Variants in MAP1B observed in about 807,000 individuals in gnomAD.
MAP1B encodes the protein microtubule associated protein 1B, also known as microtubule-associated protein 1B.
Under a neutral mutation model 176.1 loss-of-function variants are expected in MAP1B, and 12 were observed. The ratio of observed to expected loss-of-function variants is 0.07; its 90% confidence interval spans 0.04 to 0.11. The LOEUF (loss-of-function observed/expected upper bound fraction) is 0.11. Ranked by LOEUF, MAP1B falls within the 10% of genes least tolerant of loss-of-function variation. MAP1B has a pLI of 1.00. For missense variants in MAP1B, 2,523 were observed against 2,990.5 expected (o/e 0.84, Z 3.65); for synonymous variants, 1,044 against 1,135.0 (o/e 0.92, Z 1.61).
At chr5:72,133,350 G>A (rs896314860) in intron 2 of MAP1B, among the ~76,000 whole-genome samples, 7 of 152,210 alleles carry the variant, frequency 4.6e-5, no homozygotes, top group South Asian at 4.1e-4. Context: ...GAGGTGAGGC[G>A]CTGGAGGCGG....
intron 2 of MAP1B, among the ~76,000 whole-genome samples, chr5:72,157,647 T>C (rs548216022): frequency 6.6e-6 from 1 of 152,310 alleles, no homozygotes; most frequent in South Asian, 2.1e-4. Flanking sequence ...ATGATTGATC[T>C]CAGTCCCTGG....
chr5:72,135,216 A>T (rs899410525), intron 2 of MAP1B, among the ~76,000 whole-genome samples: 11 of 151,920 alleles, frequency 7.2e-5, no homozygotes, highest in African/African-American at 2.4e-4. Flanking sequence ...AGCTTATGGG[A>T]TTGCTCCGAG....
chr5:72,180,217 A>G (rs1437535741), intron 2 of MAP1B, among the ~76,000 whole-genome samples: 1 of 152,202 alleles, frequency 6.6e-6, no homozygotes, highest in Non-Finnish European at 1.5e-5. Flanking sequence ...TACCTTGCTC[A>G]AGTCTACTTG....
At position 72,107,539 on chromosome 5, in the gene MAP1B, C is replaced by G. The variant is rs536872688; in HGVS notation, c.8C>G (p.Thr3Ser). 6.4e-7 allele frequency: 1 copy of G among 1,567,464 alleles called. No individual in the cohort carries two copies. The highest frequency in any genetic ancestry group is 2.3e-5 in the East Asian group (1 of 42,866). The change falls in exon 1 of 7, where the codon ACC becomes AGC. Residue 3 changes from threonine to serine, a missense_variant. Coordinates refer to ENST00000296755, the MANE Select transcript of MAP1B (RefSeq NM_005909.5). ...GGCACAGCAGCCGGCAGGATGGCGA[C>G]CGTGGTGGTGGAAGCCACCGAGCCG... MA[T>S]VVVEATEPEP...
chr5:72,185,393 A>T (rs769191549), intron 3 of MAP1B, among the ~76,000 whole-genome samples: 29 of 152,180 alleles, frequency 1.9e-4, no homozygotes, highest in Non-Finnish European at 3.4e-4. Flanking sequence ...AAGCTGGAGA[A>T]TTACAGCCTG....
chr5:72,198,692 T>C lies in MAP1B; in HGVS notation c.5337T>C (p.Ser1779=). 6.2e-7 allele frequency: 1 copy of C among 1,614,156 alleles called. No individual in the cohort carries two copies. Among genetic ancestry groups the C allele is most frequent in the Non-Finnish European group, 8.5e-7 (1 of 1,180,018 alleles). ...AAAGTCTGGAAGGAGAGAAGCTCTCTCCAAAATCTGATATCTCTCCACTCA... is the reference window on the plus strand; with the variant it reads ...AAAGTCTGGAAGGAGAGAAGCTCTCCCCAAAATCTGATATCTCTCCACTCA... ...KVQSLEGEKL[S]PKSDISPLTP... Residue 1779 remains serine, a synonymous_variant, in exon 5 of 7, where the codon TCT becomes TCC. Coordinates refer to ENST00000296755, the MANE Select transcript of MAP1B (RefSeq NM_005909.5).
At chr5:72,116,414 T>C (rs994465409) in intron 2 of MAP1B, 7 of 418,400 alleles carry the variant, frequency 1.7e-5, no homozygotes, top group Non-Finnish European at 2.8e-5. Flanking sequence ...AAATAGCCTT[T>C]TTTTCAGAGA....
chr5:72,135,677 C>T (rs1745827028), intron 2 of MAP1B, among the ~76,000 whole-genome samples: 1 of 152,196 alleles, frequency 6.6e-6, no homozygotes, highest in South Asian at 2.1e-4. Context: ...ATGTTCCTAG[C>T]ATCTAGTTTC....
chr5:72,196,161 T>A lies in MAP1B; in HGVS notation c.2806T>A (p.Ser936Thr), dbSNP rs761751514. 6.2e-7 allele frequency: 1 copy of A among 1,613,198 alleles called. No homozygotes were observed. Among genetic ancestry groups the A allele is most frequent in the Non-Finnish European group, 8.5e-7 (1 of 1,179,912 alleles). Residue 936 changes from serine to threonine, a missense_variant, in exon 5 of 7, where the codon TCT becomes ACT. Around this residue, in one of 4 missense-constraint regions of MAP1B, gnomAD observed 1,925 missense variants for 2,126.0 expected, o/e 0.91. Coordinates refer to ENST00000296755, the MANE Select transcript of MAP1B (RefSeq NM_005909.5). This position sits in a 1 kb window ranked among gnomAD's most constrained non-coding sequence, Gnocchi z 5.3. ...AGATGAAGGAGCCGGTTTTGAAGAATCTTCAGAGACTGGAGACTATGAAGA... is the reference window on the plus strand; with the variant it reads ...AGATGAAGGAGCCGGTTTTGAAGAAACTTCAGAGACTGGAGACTATGAAGA... The part of the protein sequence containing the change: ...FEDEGAGFEE[S>T]SETGDYEEKA...
At chr5:72,141,136 A>G (rs997701454) in intron 2 of MAP1B, among the ~76,000 whole-genome samples, 1 of 150,224 alleles carries the variant, frequency 6.7e-6, no homozygotes, top group Admixed American at 6.6e-5. Flanking sequence ...CCCACCTCAA[A>G]CTCTTTTACC....
chr5:72,117,210 A>C (rs1034504515), intron 2 of MAP1B, among the ~76,000 whole-genome samples: 1 of 152,150 alleles, frequency 6.6e-6, no homozygotes, highest in African/African-American at 2.4e-5. Context: ...GGAAAGGTAC[A>C]GTATAAGGTT....
At chr5:72,179,737 C>T (rs1746727577) in intron 2 of MAP1B, 2 of 985,344 alleles carry the variant, frequency 2.0e-6, no homozygotes, top group East Asian at 1.1e-4. Context: ...TAAATCCCCT[C>T]CTTCATTCAA....
At chr5:72,134,237 T>C (rs1745789768) in intron 2 of MAP1B, among the ~76,000 whole-genome samples, 2 of 152,250 alleles carry the variant, frequency 1.3e-5, no homozygotes, top group Non-Finnish European at 2.9e-5. Flanking sequence ...ACATCAAGCC[T>C]GAATCCATGG....
Position 72,186,952 on chromosome 5 carries a change from T to C in MAP1B, c.510+198T>C, listed in dbSNP as rs184375405. 3.3e-5 allele frequency among the ~76,000 whole-genome samples: 5 copies of C among 152,320 alleles called. No homozygotes were observed. Among genetic ancestry groups the C allele is most frequent in the African/African-American group, 9.6e-5 (4 of 41,570 alleles). On this transcript the variant is annotated intron_variant, in intron 4 of 6. Coordinates refer to ENST00000296755, the MANE Select transcript of MAP1B (RefSeq NM_005909.5). The surrounding 1 kb of genome is among the most constrained non-coding windows in gnomAD (Gnocchi z 4.3). ...ATTTAGAGCACTCATTTACAATTAA[T>C]TGGAATCATTCTTAATGTGCCTGAG...
chr5:72,186,826 G>C lies in MAP1B; in HGVS notation c.510+72G>C. 1 of 1,561,532 alleles carries C rather than the reference G, an allele frequency of 6.4e-7. No homozygotes were observed. The highest frequency in any genetic ancestry group is 8.8e-7 in the Non-Finnish European group (1 of 1,142,248). On this transcript the variant is annotated intron_variant, in intron 4 of 6. Coordinates refer to ENST00000296755, the MANE Select transcript of MAP1B (RefSeq NM_005909.5). The surrounding 1 kb of genome is among the most constrained non-coding windows in gnomAD (Gnocchi z 4.3). ...CTTAGGTTCCTCTTTGAGAGCACTGGGGGAGACAAAAGAAGAAGGGAGGGA... is the reference window on the plus strand; with the variant it reads ...CTTAGGTTCCTCTTTGAGAGCACTGCGGGAGACAAAAGAAGAAGGGAGGGA...
At chr5:72,187,004 C>G (rs2112218380) in intron 4 of MAP1B, among the ~76,000 whole-genome samples, 1 of 152,340 alleles carries the variant, frequency 6.6e-6, no homozygotes, top group South Asian at 2.1e-4. Context: ...TTGGAACAGT[C>G]AACACTTTAC....
chr5:72,193,901 C>T lies in MAP1B; in HGVS notation c.546C>T (p.Asn182=), dbSNP rs1747084821. ...GELLSTTHPA[N]KASLTLFCPE... ...TACTAAGCACCACCCATCCTGCCAACAAAGCCAGCTTAACCCTGTTCTGTC... is the reference window on the plus strand; with the variant it reads ...TACTAAGCACCACCCATCCTGCCAATAAAGCCAGCTTAACCCTGTTCTGTC... Residue 182 remains asparagine, a synonymous_variant, in exon 5 of 7, where the codon AAC becomes AAT. Transcript: ENST00000296755. 1.2e-6 allele frequency: 2 copies of T among 1,607,270 alleles called. No homozygotes were observed. Among genetic ancestry groups the T allele is most frequent in the Admixed American group, 3.4e-5 (2 of 58,620 alleles).
Position 72,199,002 on chromosome 5 carries a change from G to A in MAP1B, c.5647G>A (p.Asp1883Asn). 1 of 1,614,196 alleles carries A rather than the reference G, an allele frequency of 6.2e-7. No homozygotes were observed. The highest frequency in any genetic ancestry group is 8.5e-7 in the Non-Finnish European group (1 of 1,180,034). The change falls in exon 5 of 7, where the codon GAT becomes AAT. Residue 1883 changes from aspartate (D) to asparagine (N), a missense_variant. By Grantham distance (23) the Asp-to-Asn change is conservative. Coordinates refer to ENST00000296755, the MANE Select transcript of MAP1B (RefSeq NM_005909.5). This position sits in a 1 kb window ranked among gnomAD's most constrained non-coding sequence, Gnocchi z 4.2. ...QKPEETTRSP[D>N]EEDYDYESYE... ...GCCTGAGGAAACAACCAGGTCCCCA[G>A]ATGAAGAAGATTATGACTATGAGTC...
chr5:72,199,596 G>T lies in MAP1B; in HGVS notation c.6241G>T (p.Asp2081Tyr). Residue 2081 changes from aspartate to tyrosine, a missense_variant, in exon 5 of 7, where the codon GAT becomes TAT. By Grantham distance (160) the Asp-to-Tyr change is radical. Coordinates refer to ENST00000296755, the MANE Select transcript of MAP1B (RefSeq NM_005909.5). This position sits in a 1 kb window ranked among gnomAD's most constrained non-coding sequence, Gnocchi z 4.2. ...KSPSEARQDV[D>Y]LCLVSSCEYK... ...CCCCTCAGAAGCCCGTCAGGATGTC[G>T]ATTTATGCCTCGTGTCCTCTTGTGA... The T allele has an allele frequency of 6.2e-7, 1 of 1,614,138 alleles. No individual in the cohort carries two copies. The highest frequency in any genetic ancestry group is 8.5e-7 in the Non-Finnish European group (1 of 1,180,026).
Sources: allele counts gnomAD v4.1 joint callset (sites outside exome capture counted in the v4.1 genomes callset), GRCh38; gene constraint gnomAD v4.1.1; regional missense constraint gnomAD v4.1.1; non-coding constraint Gnocchi (gnomAD v3.1); transcripts MANE v1.5; gene names NCBI Gene and HGNC (gene_info 2026-07-23, HGNC 2026-07-21).